FBXL13: variants seen among roughly 807,000 people sequenced by gnomAD.
FBXL13 encodes the protein F-box and leucine rich repeat protein 13, also known as F-box and leucine-rich repeat protein 13.
FBXL13 carries 67 observed loss-of-function variants against 83.6 expected under a neutral mutation model. The observed-to-expected ratio is 0.80, with a 90% CI of 0.66 to 0.98. The LOEUF (loss-of-function observed/expected upper bound fraction) is 0.98, where lower values mean the gene tolerates loss of function less well. FBXL13 is among the 50% of genes least tolerant of loss of function. The pLI is 0.00. For synonymous variants in FBXL13, 272 were observed against 299.5 expected (o/e 0.91, Z 0.95); for missense variants, 822 against 866.5 (o/e 0.95, Z 0.64).
At chr7:102,836,466 T>C (rs1220331242) in intron 17 of FBXL13, among the ~76,000 whole-genome samples, 1 of 152,216 alleles carries the variant, frequency 6.6e-6, no homozygotes, top group Non-Finnish European at 1.5e-5. Flanking sequence ...CAATATACAC[T>C]TCTGGCTCCA....
intron 6 of FBXL13, chr7:102,976,358 C>G: frequency 1.7e-6 from 1 of 597,236 alleles, no homozygotes; most frequent in Non-Finnish European, 3.0e-6. Context: ...AAACCCTGAG[C>G]CCCCCGCTCC....
chr7:103,025,750 T>C (rs1793825223), intron 5 of FBXL13, among the ~76,000 whole-genome samples: 1 of 150,898 alleles, frequency 6.6e-6, no homozygotes, highest in Non-Finnish European at 1.5e-5. Flanking sequence ...TATATATTGA[T>C]GTAATATATA....
chr7:102,869,127 T>C (rs1286590643), intron 16 of FBXL13, among the ~76,000 whole-genome samples: 1 of 152,246 alleles, frequency 6.6e-6, no homozygotes, highest in Non-Finnish European at 1.5e-5. Flanking sequence ...TTTCTGCACA[T>C]CCTCGCCTGC....
chr7:103,065,612 A>G (rs1172791746), intron 1 of FBXL13, among the ~76,000 whole-genome samples: 3 of 152,250 alleles, frequency 2.0e-5, no homozygotes, highest in Non-Finnish European at 4.4e-5. Context: ...GTAAAAAGAG[A>G]GTAACTACTA....
chr7:102,837,431 A>G (rs1440414075), intron 17 of FBXL13, among the ~76,000 whole-genome samples: 1 of 152,260 alleles, frequency 6.6e-6, no homozygotes, highest in Non-Finnish European at 1.5e-5. Flanking sequence ...TTTCATGATG[A>G]AATTTGTTAT....
At chr7:102,827,940 A>G (rs1442632525) in intron 18 of FBXL13, among the ~76,000 whole-genome samples, 2 of 152,068 alleles carry the variant, frequency 1.3e-5, no homozygotes, top group African/African-American at 2.4e-5. Flanking sequence ...CCATTGGTCT[A>G]TATCTCTGTT....
intron 10 of FBXL13, among the ~76,000 whole-genome samples, chr7:102,918,354 T>C (rs1563089079): frequency 6.6e-6 from 1 of 152,232 alleles, no homozygotes; most frequent in African/African-American, 2.4e-5. Flanking sequence ...CCTACTTTTC[T>C]ATCTATTGCC....
In FBXL13 at chr7:103,005,555, T is replaced by C. The variant is rs191420223; in HGVS notation, c.495+19508A>G. On this transcript the variant is annotated intron_variant, in intron 6 of 19. Coordinates refer to ENST00000313221, the Ensembl canonical transcript of FBXL13. ...GTTCTGGAAGCTATGAAGTCCAAAA[T>C]AAAGAAACTGGTCAATTCCTTTCTT... is the stretch of plus-strand genomic sequence containing the variant. 1.2e-3 allele frequency among the ~76,000 whole-genome samples: 188 copies of C among 152,270 alleles called. 3 individuals carry two copies. Among genetic ancestry groups the C allele is most frequent in the Admixed American group, 6.9e-3 (105 of 15,282 alleles).
chr7:102,995,803 A>ATAAATAAATAAG (rs1789723539), intron 6 of FBXL13, among the ~76,000 whole-genome samples: 2 of 151,582 alleles, frequency 1.3e-5, no homozygotes, highest in Admixed American at 6.6e-5. Flanking sequence ...AAATAAATAA[A>ATAAATAAATAAG]TAAATAAATA....
chr7:103,044,775 G>A (rs1319367834), intron 2 of FBXL13, among the ~76,000 whole-genome samples: 2 of 152,166 alleles, frequency 1.3e-5, no homozygotes, highest in African/African-American at 2.4e-5. Context: ...TGAGAACCAA[G>A]TCTGTGAAGT....
chr7:102,887,071 G>T (rs1438284673), intron 11 of FBXL13, among the ~76,000 whole-genome samples: 1 of 152,180 alleles, frequency 6.6e-6, no homozygotes, highest in Non-Finnish European at 1.5e-5. Flanking sequence ...GTATGATGGG[G>T]TGCAATACAG....
chr7:102,880,338 T>C (rs1483250073), intron 14 of FBXL13, among the ~76,000 whole-genome samples: 3 of 151,680 alleles, frequency 2.0e-5, no homozygotes, highest in Non-Finnish European at 4.4e-5. Flanking sequence ...TTTTACCCTA[T>C]ATGTTATACT....
At chr7:102,883,200 C>A (rs540947237) in intron 14 of FBXL13, 105 bp downstream of exon 15, 1 of 1,152,432 alleles carries the variant, frequency 8.7e-7, no homozygotes, top group African/African-American at 1.6e-5. Context: ...CACATGAACT[C>A]TTGACTTTCA....
At chr7:102,916,803 T>C (rs1815972009) in intron 10 of FBXL13, among the ~76,000 whole-genome samples, 1 of 151,170 alleles carries the variant, frequency 6.6e-6, no homozygotes, top group African/African-American at 2.4e-5. Context: ...GGGGGGGGTG[T>C]GAGTCCTCTC....
rs149999198 is a variant in FBXL13 at position 102,832,894 on chromosome 7, T to C, written c.1800A>G (p.Ala600=). Reference sequence around the variant, plus strand: ...TGAGGTTAATGCAGTAAATGGCCAGTGCTTTGATAATCATATCTGACAGCT... The same window carrying C: ...TGAGGTTAATGCAGTAAATGGCCAGCGCTTTGATAATCATATCTGACAGCT... Residue 600 remains alanine, a synonymous_variant, in exon 18 of 20, where the codon GCA becomes GCG. Coordinates refer to ENST00000313221, the Ensembl canonical transcript of FBXL13. The C allele has an allele frequency of 5.3e-5, 86 of 1,614,104 alleles. 1 individual carries two copies. In the African/African-American group the frequency reaches 1.1e-3, roughly 20 times the overall value.
intron 11 of FBXL13, among the ~76,000 whole-genome samples, chr7:102,911,808 G>A (rs1318383981): frequency 3.3e-5 from 5 of 152,204 alleles, no homozygotes; most frequent in African/African-American, 1.2e-4. Context: ...TGCCATCTCA[G>A]TCATAAAGTT....
intron 11 of FBXL13, among the ~76,000 whole-genome samples, chr7:102,892,341 G>A (rs1476961053): frequency 6.6e-6 from 1 of 152,056 alleles, no homozygotes; most frequent in Non-Finnish European, 1.5e-5. Context: ...ATAGGTGTTT[G>A]TTACTTTCTT....
intron 16 of FBXL13, among the ~76,000 whole-genome samples, chr7:102,873,375 A>G (rs1808786130): frequency 6.6e-6 from 1 of 152,222 alleles, no homozygotes; most frequent in South Asian, 2.1e-4. Context: ...ATCTGGTGCC[A>G]TCCTTGATTC....
At chr7:102,881,174 A>C (rs938000885) in intron 14 of FBXL13, among the ~76,000 whole-genome samples, 3 of 152,152 alleles carry the variant, frequency 2.0e-5, no homozygotes, top group Non-Finnish European at 4.4e-5. Context: ...GGCAAGGCGC[A>C]GTGGCTCACG....
Sources: allele counts gnomAD v4.1 joint callset (sites outside exome capture counted in the v4.1 genomes callset), GRCh38; gene constraint gnomAD v4.1.1; transcripts MANE v1.5; gene names NCBI Gene and HGNC (gene_info 2026-07-23, HGNC 2026-07-21).